The following H2AZ2 variants were observed in gnomAD, a reference collection of about 807,000 sequenced individuals.
H2AZ2 encodes the protein H2A.Z variant histone 2.
H2AZ2 carries 5 observed loss-of-function variants against 15.5 expected under a neutral mutation model. That is an observed-to-expected ratio of 0.32 (90% CI 0.17 to 0.68). The LOEUF is 0.68. Ranked by LOEUF, H2AZ2 falls within the 30% of genes least tolerant of loss-of-function variation. The pLI is 0.72. For synonymous variants in H2AZ2, 44 were observed against 57.4 expected (o/e 0.77, Z 1.05); for missense variants, 42 against 162.5 (o/e 0.26, Z 4.03).
In H2AZ2 at chr7:44,848,013, C is replaced by G. The variant is rs1051597940; in HGVS notation, c.-42G>C. ...CCGCCTCCGCTCGGCCGCGCGCCCT[C>G]CCGCTGCCGACCCGCGCCGCCGCCG... On this transcript the variant is annotated 5_prime_UTR_variant, in exon 1 of 5. Transcript: ENST00000308153. 2.3e-6 allele frequency: 3 copies of G among 1,278,164 alleles called. No individual in the cohort carries two copies. Among genetic ancestry groups the G allele is most frequent in the Non-Finnish European group, 3.0e-6 (3 of 1,008,160 alleles). The allele number at this position is 1,278,164 out of a possible 1,614,324, so 79.2% of individuals were successfully genotyped here. A position where few individuals can be genotyped will look rare whatever the true frequency, so the allele number is the denominator to read the frequency against.
rs1793014037 is a variant in H2AZ2, at chr7:44,832,391, C to T, written c.*2110G>A. The stretch of plus-strand genomic sequence containing the variant: ...CCTGTTAATGGGACTCAAACTGATC[C>T]CTGTGGGTTGGGGCAGGGGATAGGT... On this transcript the variant is annotated 3_prime_UTR_variant, in exon 5 of 5. Coordinates refer to ENST00000308153, the MANE Select transcript of H2AZ2 (RefSeq NM_012412.5). Among the ~76,000 whole-genome samples the T allele has an allele frequency of 6.6e-6, 1 of 151,954 alleles. No homozygotes were observed. The highest frequency in any genetic ancestry group is 2.1e-4 in the South Asian group (1 of 4,818).
At chr7:44,844,467 C>T (rs1245407643) in intron 1 of H2AZ2, among the ~76,000 whole-genome samples, 1 of 152,154 alleles carries the variant, frequency 6.6e-6, no homozygotes. Flanking sequence ...GATTCTCCTG[C>T]CTCAGCCTCC....
In H2AZ2 at chr7:44,842,805, C is replaced by T. The variant is rs892396552; in HGVS notation, c.81+472G>A. On this transcript the variant is annotated intron_variant, in intron 2 of 4. Coordinates refer to ENST00000308153, the MANE Select transcript of H2AZ2 (RefSeq NM_012412.5). ...GGCTCAAACTCTCAATGGCTTACCA[C>T]TGCCAAGAGGATAACAGTTTACAGC... Among the ~76,000 whole-genome samples, 5 of 152,242 alleles carry T rather than the reference C, an allele frequency of 3.3e-5. No homozygotes were observed. In the East Asian group the frequency reaches 7.7e-4, roughly 23 times the overall value.
chr7:44,828,883 T>A (rs540992410), downstream of H2AZ2: 1 of 152,302 alleles, frequency 6.6e-6, no homozygotes, highest in East Asian at 1.9e-4. Flanking sequence ...CACTTCCTTC[T>A]CTTGATTTCC....
At chr7:44,846,253 T>TA (rs1793403159) in intron 1 of H2AZ2, among the ~76,000 whole-genome samples, 1 of 152,212 alleles carries the variant, frequency 6.6e-6, no homozygotes, top group African/African-American at 2.4e-5. Flanking sequence ...TGTTAATACT[T>TA]ATGTATTTTT....
chr7:44,834,344 G>A lies in H2AZ2; in HGVS notation c.*157C>T, dbSNP rs1221365420. ...AAAAGGTACTTTTATCAAACTTCGAGTCTAAGAACATACAAATGTTTCTTT... is the reference window on the plus strand; with the variant it reads ...AAAAGGTACTTTTATCAAACTTCGAATCTAAGAACATACAAATGTTTCTTT... On this transcript the variant is annotated 3_prime_UTR_variant, in exon 5 of 5. Coordinates refer to ENST00000308153, the MANE Select transcript of H2AZ2 (RefSeq NM_012412.5). The A allele has an allele frequency of 7.4e-7, 1 of 1,342,350 alleles. No individual in the cohort carries two copies. 83.2% of individuals were successfully genotyped at this position (1,342,350 alleles called of 1,614,324 possible). A position where few individuals can be genotyped will look rare whatever the true frequency, so the allele number is the denominator to read the frequency against.
chr7:44,838,877 T>C (rs1793197143), intron 3 of H2AZ2, among the ~76,000 whole-genome samples: 1 of 152,324 alleles, frequency 6.6e-6, no homozygotes, highest in Admixed American at 6.5e-5. Flanking sequence ...AGTAAGACCC[T>C]TCTGTTTCCA....
downstream of H2AZ2, chr7:44,830,304 T>C (rs890562576): frequency 1.8e-5 from 14 of 773,604 alleles, no homozygotes; most frequent in Non-Finnish European, 2.2e-5. Flanking sequence ...AAGAATTCAC[T>C]GGATAACTAC....
chr7:44,843,593 CT>C (rs1793328948), intron 1 of H2AZ2, among the ~76,000 whole-genome samples: 1 of 152,180 alleles, frequency 6.6e-6, no homozygotes, highest in Non-Finnish European at 1.5e-5. Context: ...GAGTCTAGCT[CT>C]GTTGCCCAGG....
At position 44,835,593 on chromosome 7, in the gene H2AZ2, C is replaced by T. The variant is rs1368014665; in HGVS notation, c.261G>A (p.Leu87=). Residue 87 remains leucine, a synonymous_variant, in exon 4 of 5, where the codon TTG becomes TTA. Transcript: ENST00000308153. ...CTTCATCACCACGGATTGCAAGCTG[C>T]AAGTGACGCGGAGTGATACGCTTTA... ...LKVKRITPRH[L]QLAIRGDEEL... 1 of 1,613,866 alleles carries T rather than the reference C, an allele frequency of 6.2e-7. No individual in the cohort carries two copies. Among genetic ancestry groups the T allele is most frequent in the Non-Finnish European group, 8.5e-7 (1 of 1,179,886 alleles).
intron 3 of H2AZ2, among the ~76,000 whole-genome samples, chr7:44,839,036 T>C (rs1307706904): frequency 3.3e-5 from 5 of 152,208 alleles, no homozygotes; most frequent in Non-Finnish European, 7.3e-5. Flanking sequence ...CCAAGAACTC[T>C]TGCCCAATTA....
At chr7:44,831,886 T>TG (rs1203335509), downstream of H2AZ2, among the ~76,000 whole-genome samples, 1 of 152,192 alleles carries the variant, frequency 6.6e-6, no homozygotes, top group East Asian at 1.9e-4. Context: ...TGTTACAAGA[T>TG]GAGAGCCATT....
chr7:44,827,252 G>GT (rs1792937345), downstream of H2AZ2: 2 of 152,306 alleles, frequency 1.3e-5, no homozygotes, highest in East Asian at 3.9e-4. Context: ...AAAGTACATA[G>GT]TAAGTCCAGA....
chr7:44,847,091 C>G (rs1011390451), intron 1 of H2AZ2, among the ~76,000 whole-genome samples: 1 of 152,174 alleles, frequency 6.6e-6, no homozygotes, highest in African/African-American at 2.4e-5. Context: ...AAGCAGGTAG[C>G]TCCCGTTGAA....
chr7:44,848,050 G>A lies in H2AZ2; in HGVS notation c.-79C>T. 5.4e-6 allele frequency: 5 copies of A among 929,236 alleles called. No homozygotes were observed. Among genetic ancestry groups the A allele is most frequent in the Non-Finnish European group, 7.0e-6 (5 of 712,692 alleles). The allele number at this position is 929,236 out of a possible 1,614,324, so 57.6% of individuals were successfully genotyped here. A position where few individuals can be genotyped will look rare whatever the true frequency, so the allele number is the denominator to read the frequency against. On this transcript the variant is annotated 5_prime_UTR_variant, in exon 1 of 5. Coordinates refer to ENST00000308153, the MANE Select transcript of H2AZ2 (RefSeq NM_012412.5). ...CCGCGCCGCCGCCGCCGCTCTCGCA[G>A]CACCGACCGCCGCCGCCGGAGCCGG...
rs773962149 is a variant in H2AZ2 at position 44,835,621 on chromosome 7, T to C, written c.233A>G (p.Lys78Arg). 5 of 1,612,358 alleles carry C rather than the reference T, an allele frequency of 3.1e-6. No individual in the cohort carries two copies. Among genetic ancestry groups the C allele is most frequent in the East Asian group, 2.2e-5 (1 of 44,862 alleles). The change falls in exon 4 of 5, where the codon AAA (lysine) becomes AGA (arginine). Residue 78 changes from lysine (K) to arginine (R), a missense_variant. Lys to Arg is a conservative substitution (Grantham distance 26). Transcript: ENST00000308153. ...GTGACGCGGAGTGATACGCTTTACT[T>C]TGAGATCCTTAGAAGCATTACCTGC... ...ELAGNASKDL[K>R]VKRITPRHLQ...
chr7:44,831,255 G>T (rs914753470), downstream of H2AZ2, among the ~76,000 whole-genome samples: 1 of 152,156 alleles, frequency 6.6e-6, no homozygotes, highest in African/African-American at 2.4e-5. Flanking sequence ...TAGCTGGAAC[G>T]TGCTTTAAAA....
intron 2 of H2AZ2, among the ~76,000 whole-genome samples, chr7:44,841,324 T>C (rs1403776880): frequency 1.3e-5 from 2 of 152,212 alleles, no homozygotes; most frequent in Admixed American, 6.5e-5. Context: ...CTTCACATAA[T>C]AGCCACATGC....
At chr7:44,844,676 G>A (rs561547668) in intron 1 of H2AZ2, among the ~76,000 whole-genome samples, 8 of 152,108 alleles carry the variant, frequency 5.3e-5, no homozygotes, top group Non-Finnish European at 1.0e-4. Context: ...AATGGGTAGA[G>A]TTTCCACTTG....
Sources: allele counts gnomAD v4.1 joint callset (sites outside exome capture counted in the v4.1 genomes callset), GRCh38; gene constraint gnomAD v4.1.1; transcripts MANE v1.5; gene names NCBI Gene and HGNC (gene_info 2026-07-23, HGNC 2026-07-21).